The following TMEM203 variants were observed in gnomAD, a reference collection of about 807,000 sequenced individuals.
TMEM203 encodes the protein transmembrane protein 203, also known as HBeAg-binding protein 1.
TMEM203 carries 4 observed loss-of-function variants against 7.9 expected under a neutral mutation model. That is an observed-to-expected ratio of 0.51 (90% CI 0.25 to 1.16). The LOEUF is 1.16. TMEM203 is among the 50% of genes most tolerant of loss of function. The pLI is 0.15. For missense variants in TMEM203, 127 were observed against 174.4 expected, an observed-to-expected ratio of 0.73 and a Z score of 1.53; for synonymous variants, 92 against 82.5, an observed-to-expected ratio of 1.11 and a Z score of -0.62.
At position 137,204,382 on chromosome 9, in the gene TMEM203, T is replaced by C. The variant is rs1834877197; in HGVS notation, c.*622A>G. 6.6e-6 allele frequency: 1 copy of C among 152,352 alleles called. No individual in the cohort carries two copies. Among genetic ancestry groups the C allele is most frequent in the Non-Finnish European group, 1.5e-5 (1 of 68,122 alleles). The allele number at this position is 152,352 out of a possible 1,614,324, so 9.4% of individuals were successfully genotyped here. On this transcript the variant is annotated 3_prime_UTR_variant, in exon 1 of 1. Coordinates refer to ENST00000343666, the MANE Select transcript of TMEM203 (RefSeq NM_053045.2). ...TGCCTGGACAGCAGAGTTCTTTTCT[T>C]GGGCAACAGATAACCAGACAGGACT...
rs1564389180 is a variant in TMEM203 at position 137,204,967 on chromosome 9, A to C, written c.*37T>G. 9 of 1,573,068 alleles carry C rather than the reference A, an allele frequency of 5.7e-6. No individual in the cohort carries two copies. The highest frequency in any genetic ancestry group is 7.8e-6 in the Non-Finnish European group (9 of 1,156,076). On this transcript the variant is annotated 3_prime_UTR_variant, in exon 1 of 1. Transcript: ENST00000343666. ...GGCCTCGGCTCGAGGTCAACATTCT[A>C]GTTGTCCAGCGCTCCCTCTCCGGCA...
In TMEM203 at chr9:137,205,145, G is replaced by A; in HGVS notation, c.270C>T (p.Val90=). The part of the protein sequence containing the change: ...AVLRLFWVLT[V]LSLKFVFEML... ...TCTCGAAGACGAACTTGAGACTCAG[G>A]ACCGTAAGTACCCAGAAAAGGCGGA... is the stretch of plus-strand genomic sequence containing the variant. Residue 90 remains valine (V), a synonymous_variant, in exon 1 of 1, where the codon GTC becomes GTT. Transcript: ENST00000343666. 6.2e-7 allele frequency: 1 copy of A among 1,612,900 alleles called. No individual in the cohort carries two copies. The highest frequency in any genetic ancestry group is 8.5e-7 in the Non-Finnish European group (1 of 1,179,984).
Position 137,205,372 on chromosome 9 carries a change from C to A in TMEM203, c.43G>T (p.Ala15Ser), listed in dbSNP as rs1479031998. Residue 15 changes from alanine to serine, a missense_variant, in exon 1 of 1, where the codon GCC becomes TCC. Ala to Ser is a moderately conservative substitution (Grantham distance 99, BLOSUM62 1). Transcript: ENST00000343666. Reference protein sequence around the residue: ...LRELVQWLGFATFEIFVHLLA... With the variant: ...LRELVQWLGFSTFEIFVHLLA... ...AGGTGCACGAAGATCTCGAAGGTGG[C>A]GAAGCCTAGCCACTGCACCAGCTCC... The A allele has an allele frequency of 1.2e-6, 2 of 1,601,388 alleles. No individual in the cohort carries two copies. Among genetic ancestry groups the A allele is most frequent in the Non-Finnish European group, 1.7e-6 (2 of 1,174,938 alleles).
chr9:137,205,515 C>T lies in TMEM203; in HGVS notation c.-101G>A, dbSNP rs896219289. The T allele has an allele frequency of 6.3e-5, 80 of 1,263,888 alleles. No homozygotes were observed. The highest frequency in any genetic ancestry group is 7.1e-5 in the Non-Finnish European group (70 of 982,552). 78.3% of individuals were successfully genotyped at this position (1,263,888 alleles called of 1,614,324 possible). A position where few individuals can be genotyped will look rare whatever the true frequency, so the allele number is the denominator to read the frequency against. On this transcript the variant is annotated 5_prime_UTR_variant, in exon 1 of 1. Transcript: ENST00000343666. ...TCGCCCGCGCCTGCCGCCGCTGCTG[C>T]GAGCGAGAGGCAGCGAGCGGCCCCG...
chr9:137,204,443 G>T lies in TMEM203; in HGVS notation c.*561C>A, dbSNP rs1445642186. ...TCTTATTCAACATTCTTCTGTCTCTGCCTAGACTGGAATAAAAAGCCAATC... is the reference window on the plus strand; with the variant it reads ...TCTTATTCAACATTCTTCTGTCTCTTCCTAGACTGGAATAAAAAGCCAATC... On this transcript the variant is annotated 3_prime_UTR_variant, in exon 1 of 1. Transcript: ENST00000343666. 1 of 153,024 alleles carries T rather than the reference G, an allele frequency of 6.5e-6. No homozygotes were observed. Among genetic ancestry groups the T allele is most frequent in the Non-Finnish European group, 1.5e-5 (1 of 68,600 alleles). 9.5% of individuals were successfully genotyped at this position (153,024 alleles called of 1,614,324 possible).
In TMEM203 at chr9:137,205,061, C is replaced by T; in HGVS notation, c.354G>A (p.Thr118=). 1 of 1,612,850 alleles carries T rather than the reference C, an allele frequency of 6.2e-7. No individual in the cohort carries two copies. The highest frequency in any genetic ancestry group is 8.5e-7 in the Non-Finnish European group (1 of 1,179,956). The change falls in exon 1 of 1, where the codon ACG becomes ACA. Residue 118 remains threonine, a synonymous_variant. Coordinates refer to ENST00000343666, the MANE Select transcript of TMEM203 (RefSeq NM_053045.2). ...QTRELWFGLI[T]SPLFILLQLL... is the part of the protein sequence containing the mutation. ...GCTGCAGGAGAATGAAGAGCGGGGACGTAATGAGGCCGAACCAGAGCTCCC... is the reference window on the plus strand; with the variant it reads ...GCTGCAGGAGAATGAAGAGCGGGGATGTAATGAGGCCGAACCAGAGCTCCC...
Position 137,205,577 on chromosome 9 carries a change from C to T in TMEM203, c.-163G>A, listed in dbSNP as rs1413050153. On this transcript the variant is annotated 5_prime_UTR_variant, in exon 1 of 1. Transcript: ENST00000343666. ...CCTCGGCCCTGATGCGCCGGCAATC[C>T]CCCGGCCCCGACCCGGGACTCAACC... 3 of 1,201,798 alleles carry T rather than the reference C, an allele frequency of 2.5e-6. No homozygotes were observed. Among genetic ancestry groups the T allele is most frequent in the Non-Finnish European group, 3.3e-6 (3 of 898,634 alleles). The allele number at this position is 1,201,798 out of a possible 1,614,324, so 74.4% of individuals were successfully genotyped here.
rs1834890409 is a variant in TMEM203, at chr9:137,204,927, G to C, written c.*77C>G. The C allele has an allele frequency of 3.3e-6, 5 of 1,515,126 alleles. No homozygotes were observed. Among genetic ancestry groups the C allele is most frequent in the African/African-American group, 1.4e-5 (1 of 72,182 alleles). The allele number at this position is 1,515,126 out of a possible 1,614,324, so 93.9% of individuals were successfully genotyped here. ...TTCAGACTAGAGAGCCTCTCCTCCGGTGCGCTGCAAGTAGGGCCTCGGCTC... is the reference window on the plus strand; with the variant it reads ...TTCAGACTAGAGAGCCTCTCCTCCGCTGCGCTGCAAGTAGGGCCTCGGCTC... On this transcript the variant is annotated 3_prime_UTR_variant, in exon 1 of 1. Transcript: ENST00000343666.
Position 137,204,875 on chromosome 9 carries a change from C to G in TMEM203, c.*129G>C, listed in dbSNP as rs1834888561. 2.3e-6 allele frequency: 3 copies of G among 1,300,648 alleles called. No homozygotes were observed. The highest frequency in any genetic ancestry group is 3.1e-6 in the Non-Finnish European group (3 of 971,822). 80.6% of individuals were successfully genotyped at this position (1,300,648 alleles called of 1,614,324 possible). A position where few individuals can be genotyped will look rare whatever the true frequency, so the allele number is the denominator to read the frequency against. On this transcript the variant is annotated 3_prime_UTR_variant, in exon 1 of 1. Coordinates refer to ENST00000343666, the MANE Select transcript of TMEM203 (RefSeq NM_053045.2). ...AGGATTGGAATAGGGAAACCCGGCA[C>G]TCAGCTCGGCGCAAGCCGGCGGTGC... is the stretch of plus-strand genomic sequence containing the variant.
At position 137,204,114 on chromosome 9, in the gene TMEM203, T is replaced by C. The variant is rs1269626673; in HGVS notation, c.*890A>G. 1.3e-5 allele frequency: 2 copies of C among 152,230 alleles called. No individual in the cohort carries two copies. Among genetic ancestry groups the C allele is most frequent in the African/African-American group, 2.4e-5 (1 of 41,448 alleles). The allele number at this position is 152,230 out of a possible 1,614,324, so 9.4% of individuals were successfully genotyped here. On this transcript the variant is annotated 3_prime_UTR_variant, in exon 1 of 1. Transcript: ENST00000343666. ...AAAACATTCTCTTACTTTATTTGCA[T>C]CTCAGCAAAGGTTCTCATGTGGCAC...
Position 137,205,423 on chromosome 9 carries a change from T to C in TMEM203, c.-9A>G, listed in dbSNP as rs1316515233. On this transcript the variant is annotated 5_prime_UTR_variant, in exon 1 of 1. Transcript: ENST00000343666. ...CGGAGCGAGAAGAGCATCGCGCCCG[T>C]TGAGCGCGGGCCGGGGCCCGGCCGA... The C allele has an allele frequency of 2.6e-6, 4 of 1,545,240 alleles. No homozygotes were observed. Among genetic ancestry groups the C allele is most frequent in the African/African-American group, 2.7e-5 (2 of 73,166 alleles).
rs1181616291 is a variant in TMEM203, at chr9:137,204,993, C to A, written c.*11G>T. On this transcript the variant is annotated 3_prime_UTR_variant, in exon 1 of 1. Coordinates refer to ENST00000343666, the MANE Select transcript of TMEM203 (RefSeq NM_053045.2). ...GTTGTCCAGCGCTCCCTCTCCGGCA[C>A]CTCGGTGAGGCTAGTTGACCCGACA... 6.3e-7 allele frequency: 1 copy of A among 1,597,478 alleles called. No homozygotes were observed. The highest frequency in any genetic ancestry group is 1.3e-5 in the African/African-American group (1 of 74,514).
chr9:137,205,483 G>C lies in TMEM203; in HGVS notation c.-69C>G, dbSNP rs1834907448. Reference sequence around the variant, plus strand: ...CCGCGGGGCTGCGTCTCCTCTCCCCGTGGCCCTCGCCCGCGCCTGCCGCCG... The same window carrying C: ...CCGCGGGGCTGCGTCTCCTCTCCCCCTGGCCCTCGCCCGCGCCTGCCGCCG... On this transcript the variant is annotated 5_prime_UTR_variant, in exon 1 of 1. Transcript: ENST00000343666. 6.6e-6 allele frequency: 9 copies of C among 1,367,292 alleles called. No homozygotes were observed. Among genetic ancestry groups the C allele is most frequent in the Non-Finnish European group, 8.5e-6 (9 of 1,059,454 alleles). The allele number at this position is 1,367,292 out of a possible 1,614,324, so 84.7% of individuals were successfully genotyped here.
chr9:137,205,256 G>A lies in TMEM203; in HGVS notation c.159C>T (p.Phe53=). 1.2e-6 allele frequency: 2 copies of A among 1,611,586 alleles called. No homozygotes were observed. The highest frequency in any genetic ancestry group is 1.7e-6 in the Non-Finnish European group (2 of 1,179,330). ...AGGTGCTGAGCCCGTCAGCGGCGAAGAAAGGCACGAACACGTTCCACCAGG... is the reference window on the plus strand; with the variant it reads ...AGGTGCTGAGCCCGTCAGCGGCGAAAAAAGGCACGAACACGTTCCACCAGG... ...GLSWWNVFVP[F]FAADGLSTYF... is the part of the protein sequence containing the mutation. Residue 53 remains phenylalanine, a synonymous_variant, in exon 1 of 1, where the codon TTC becomes TTT. Transcript: ENST00000343666.
Position 137,205,601 on chromosome 9 carries a change from C to T in TMEM203, c.-187G>A. On this transcript the variant is annotated 5_prime_UTR_variant, in exon 1 of 1. Transcript: ENST00000343666. The stretch of plus-strand genomic sequence containing the variant: ...CCCCCGGCCCCGACCCGGGACTCAA[C>T]CCTGGCCGCCCGTGAACGCCCGCCT... 3.9e-6 allele frequency: 5 copies of T among 1,283,990 alleles called. No individual in the cohort carries two copies. Among genetic ancestry groups the T allele is most frequent in the Non-Finnish European group, 5.3e-6 (5 of 946,554 alleles). 79.5% of individuals were successfully genotyped at this position (1,283,990 alleles called of 1,614,324 possible). A position where few individuals can be genotyped will look rare whatever the true frequency, so the allele number is the denominator to read the frequency against.
In TMEM203 at chr9:137,205,271, G is replaced by A. The variant is rs745324841; in HGVS notation, c.144C>T (p.Asn48=). The change falls in exon 1 of 1, where the codon AAC becomes AAT. Residue 48 remains asparagine, a synonymous_variant. Transcript: ENST00000343666. Reference sequence around the variant, plus strand: ...CAGCGGCGAAGAAAGGCACGAACACGTTCCACCAGGAGAGGCCCGGGACCA... The same window carrying A: ...CAGCGGCGAAGAAAGGCACGAACACATTCCACCAGGAGAGGCCCGGGACCA... ...DGLVPGLSWW[N]VFVPFFAADG... The A allele has an allele frequency of 1.9e-6, 3 of 1,611,334 alleles. No homozygotes were observed. In the South Asian group the frequency reaches 3.3e-5, roughly 18 times the overall value.
At position 137,205,602 on chromosome 9, in the gene TMEM203, C is replaced by A; in HGVS notation, c.-188G>T. 1 of 1,289,328 alleles carries A rather than the reference C, an allele frequency of 7.8e-7. No individual in the cohort carries two copies. Among genetic ancestry groups the A allele is most frequent in the Non-Finnish European group, 1.1e-6 (1 of 950,814 alleles). 79.9% of individuals were successfully genotyped at this position (1,289,328 alleles called of 1,614,324 possible). ...CCCCGGCCCCGACCCGGGACTCAAC[C>A]CTGGCCGCCCGTGAACGCCCGCCTC... On this transcript the variant is annotated 5_prime_UTR_variant, in exon 1 of 1. Coordinates refer to ENST00000343666, the MANE Select transcript of TMEM203 (RefSeq NM_053045.2).
At position 137,204,963 on chromosome 9, in the gene TMEM203, T is replaced by C; in HGVS notation, c.*41A>G. On this transcript the variant is annotated 3_prime_UTR_variant, in exon 1 of 1. Coordinates refer to ENST00000343666, the MANE Select transcript of TMEM203 (RefSeq NM_053045.2). Reference sequence around the variant, plus strand: ...GTAGGGCCTCGGCTCGAGGTCAACATTCTAGTTGTCCAGCGCTCCCTCTCC... The same window carrying C: ...GTAGGGCCTCGGCTCGAGGTCAACACTCTAGTTGTCCAGCGCTCCCTCTCC... 6.4e-7 allele frequency: 1 copy of C among 1,570,410 alleles called. No individual in the cohort carries two copies. The highest frequency in any genetic ancestry group is 1.8e-5 in the Admixed American group (1 of 56,774).
chr9:137,205,121 C>T lies in TMEM203; in HGVS notation c.294G>A (p.Glu98=). ...CCGCCAGCTTCTGGCACAACAGCAT[C>T]TCGAAGACGAACTTGAGACTCAGGA... The part of the protein sequence containing the change: ...LTVLSLKFVF[E]MLLCQKLAEQ... Residue 98 remains glutamate, a synonymous_variant, in exon 1 of 1, where the codon GAG becomes GAA. Transcript: ENST00000343666. 1.2e-6 allele frequency: 2 copies of T among 1,612,968 alleles called. No homozygotes were observed. Among genetic ancestry groups the T allele is most frequent in the Non-Finnish European group, 1.7e-6 (2 of 1,180,008 alleles).
Sources: allele counts gnomAD v4.1 joint callset, GRCh38; gene constraint gnomAD v4.1.1; transcripts MANE v1.5; gene names NCBI Gene and HGNC (gene_info 2026-07-23, HGNC 2026-07-21).